Variants in DSCAM observed in about 807,000 individuals in gnomAD.
DSCAM encodes cell adhesion molecule DSCAM.
DSCAM carries 47 observed loss-of-function variants against 217.7 expected under a neutral mutation model. That is an observed-to-expected ratio of 0.22 (90% CI 0.17 to 0.28). The LOEUF is 0.28. Ranked by LOEUF, DSCAM falls within the 10% of genes least tolerant of loss-of-function variation. DSCAM has a pLI of 1.00. For synonymous variants in DSCAM, 1,056 were observed against 1,015.3 expected, an observed-to-expected ratio of 1.04 and a Z score of -0.76; for missense variants, 2,080 against 2,618.3, an observed-to-expected ratio of 0.79 and a Z score of 4.49.
At chr21:40,266,143 G>T (rs1162397405) in intron 11 of DSCAM, among the ~76,000 whole-genome samples, 1 of 151,994 alleles carries the variant, frequency 6.6e-6, no homozygotes, top group Non-Finnish European at 1.5e-5. Flanking sequence ...CAAACTCAAA[G>T]AAATCAGCAA....
chr21:40,388,256 C>T (rs1601606328), intron 3 of DSCAM, among the ~76,000 whole-genome samples: 1 of 152,146 alleles, frequency 6.6e-6, no homozygotes, highest in Middle Eastern at 3.4e-3. Context: ...ACGAGGTATG[C>T]GTGAGTAACC....
chr21:40,113,253 T>C (rs2089923592), intron 20 of DSCAM, among the ~76,000 whole-genome samples: 1 of 152,174 alleles, frequency 6.6e-6, no homozygotes, highest in African/African-American at 2.4e-5. Flanking sequence ...CAAGGCTGGT[T>C]CAGCATACGC....
At chr21:40,519,890 A>G (rs949678640) in intron 3 of DSCAM, among the ~76,000 whole-genome samples, 1 of 151,988 alleles carries the variant, frequency 6.6e-6, no homozygotes, top group Non-Finnish European at 1.5e-5. Context: ...CCATACACAT[A>G]TAAAATACCC....
At chr21:40,407,103 T>C (rs1044602473) in intron 3 of DSCAM, among the ~76,000 whole-genome samples, 1 of 152,194 alleles carries the variant, frequency 6.6e-6, no homozygotes, top group Admixed American at 6.5e-5. Flanking sequence ...AGCAATGTAT[T>C]GTATACCTGA....
At chr21:40,636,815 G>T (rs2410259) in intron 3 of DSCAM, among the ~76,000 whole-genome samples, 1 of 147,686 alleles carries the variant, frequency 6.8e-6, no homozygotes, top group Non-Finnish European at 1.5e-5. Context: ...ATAGCTTGAG[G>T]ATATGCTCCC....
At chr21:40,536,033 T>G (rs1320403837) in intron 3 of DSCAM, among the ~76,000 whole-genome samples, 1 of 152,222 alleles carries the variant, frequency 6.6e-6, no homozygotes, top group East Asian at 1.9e-4. Flanking sequence ...CAGTGCAGTG[T>G]TGAGCCTGAG....
rs749916397 is a variant in DSCAM, at chr21:40,347,960, AAG to A, written c.935-17_935-16del. 1.9e-6 allele frequency: 3 copies of A among 1,601,970 alleles called. No homozygotes were observed. The highest frequency in any genetic ancestry group is 1.1e-5 in the South Asian group (1 of 89,928). On this transcript the variant is annotated splice_polypyrimidine_tract_variant and intron_variant, in intron 5 of 32. Coordinates refer to ENST00000400454, the MANE Select transcript of DSCAM (RefSeq NM_001389.5). ...TTTCAGTGGCTCTGGAGGTTTTAGT[AAG>A]AGAGAGAGAAAAAAGATAAAAACAT...
chr21:40,465,226 G>A (rs1294500049), intron 3 of DSCAM, among the ~76,000 whole-genome samples: 1 of 151,958 alleles, frequency 6.6e-6, no homozygotes, highest in Admixed American at 6.6e-5. Context: ...TACTTGGCTT[G>A]GGATGTGTTG....
chr21:40,745,454 C>A (rs1205818708), intron 1 of DSCAM, among the ~76,000 whole-genome samples: 3 of 152,152 alleles, frequency 2.0e-5, no homozygotes, highest in Non-Finnish European at 4.4e-5. Flanking sequence ...CAAGTTTCAG[C>A]AGATTTCTCA....
At chr21:40,372,626 A>T (rs551503424) in intron 3 of DSCAM, among the ~76,000 whole-genome samples, 3 of 152,304 alleles carry the variant, frequency 2.0e-5, no homozygotes, top group Admixed American at 1.3e-4. Context: ...AGACTGCCAG[A>T]TGTTCAAGTC....
chr21:40,140,867 G>A (rs989993236), intron 18 of DSCAM, among the ~76,000 whole-genome samples: 1 of 151,980 alleles, frequency 6.6e-6, no homozygotes, highest in African/African-American at 2.4e-5. Flanking sequence ...AGCAACCTTG[G>A]TGTTTCCCAT....
chr21:40,437,798 C>T (rs931799625), intron 3 of DSCAM, among the ~76,000 whole-genome samples: 2 of 152,014 alleles, frequency 1.3e-5, no homozygotes, highest in African/African-American at 4.8e-5. Flanking sequence ...TGCAGTGAGC[C>T]GAGATCCTGC....
At chr21:40,618,322 T>C (rs190841949) in intron 3 of DSCAM, among the ~76,000 whole-genome samples, 3 of 152,224 alleles carry the variant, frequency 2.0e-5, no homozygotes, top group Non-Finnish European at 4.4e-5. Context: ...TTTGCCTTTA[T>C]GGAACTTCCA....
At chr21:40,459,011 G>A (rs756313345) in intron 3 of DSCAM, among the ~76,000 whole-genome samples, 21 of 151,404 alleles carry the variant, frequency 1.4e-4, no homozygotes, top group Non-Finnish European at 2.4e-4. Context: ...GTACACATAC[G>A]TATATAAATA....
intron 3 of DSCAM, among the ~76,000 whole-genome samples, chr21:40,674,638 T>C (rs1216806870): frequency 9.0e-5 from 13 of 145,122 alleles, no homozygotes; most frequent in Admixed American, 2.7e-4. Context: ...TTTTCTTTTT[T>C]TTTTTTTTTT....
intron 32 of DSCAM, among the ~76,000 whole-genome samples, chr21:40,041,633 G>A (rs971942771): frequency 3.3e-5 from 5 of 152,098 alleles, no homozygotes; most frequent in African/African-American, 9.7e-5. Context: ...TATCTGCCAT[G>A]CCTTGCTGAC....
intron 11 of DSCAM, among the ~76,000 whole-genome samples, chr21:40,223,716 A>T (rs2091308292): frequency 6.6e-6 from 1 of 152,240 alleles, no homozygotes; most frequent in African/African-American, 2.4e-5. Flanking sequence ...GAAATTGTTA[A>T]AAGTTACAAC....
intron 11 of DSCAM, among the ~76,000 whole-genome samples, chr21:40,241,547 G>A (rs2073153295): frequency 2.0e-5 from 3 of 152,300 alleles, no homozygotes; most frequent in African/African-American, 7.2e-5. Context: ...TGGTGGGAGT[G>A]TAAATTAGTT....
At chr21:40,398,465 C>G (rs1173522559) in intron 3 of DSCAM, among the ~76,000 whole-genome samples, 1 of 152,098 alleles carries the variant, frequency 6.6e-6, no homozygotes, top group Non-Finnish European at 1.5e-5. Context: ...TAATAAATAA[C>G]TTGCTTGCTG....
Sources: gnomAD v4.1 joint callset for allele counts (sites outside exome capture counted in the v4.1 genomes callset) on GRCh38, gnomAD v4.1.1 for gene constraint, MANE v1.5 for transcripts, NCBI Gene and HGNC (gene_info 2026-07-23, HGNC 2026-07-21) for gene names.